Variants in CDH13 observed in about 807,000 individuals in gnomAD.
CDH13 encodes the protein cadherin-13.
Under a neutral mutation model 63.8 loss-of-function variants are expected in CDH13, and 24 were observed. The observed-to-expected ratio is 0.38, with a 90% CI of 0.27 to 0.53. The LOEUF (loss-of-function observed/expected upper bound fraction) is 0.53, where lower values mean the gene tolerates loss of function less well. Ranked by LOEUF, CDH13 falls within the 20% of genes least tolerant of loss-of-function variation. The pLI is 0.85. For synonymous variants in CDH13, 503 were observed against 355.3 expected, an observed-to-expected ratio of 1.42 and a Z score of -4.67; for missense variants, 1,049 against 903.1, an observed-to-expected ratio of 1.16 and a Z score of -2.07.
intron 5 of CDH13, among the ~76,000 whole-genome samples, chr16:83,303,206 G>A (rs1463649645): frequency 6.6e-6 from 1 of 152,188 alleles, no homozygotes; most frequent in Admixed American, 6.5e-5. Context: ...CCTTCCGAAG[G>A]TTCACCTTCT....
At chr16:83,489,120 C>T (rs955827825) in intron 7 of CDH13, among the ~76,000 whole-genome samples, 13 of 152,108 alleles carry the variant, frequency 8.5e-5, no homozygotes, top group African/African-American at 1.9e-4. Context: ...GTGATTTCTC[C>T]GTTTCAGCTT....
At chr16:83,569,793 G>A (rs1904404813) in intron 7 of CDH13, among the ~76,000 whole-genome samples, 2 of 152,174 alleles carry the variant, frequency 1.3e-5, no homozygotes, top group South Asian at 2.1e-4. Flanking sequence ...CTGGAGTGCA[G>A]TGGTACAATC....
At chr16:83,557,058 A>G (rs2075618714) in intron 7 of CDH13, among the ~76,000 whole-genome samples, 1 of 151,988 alleles carries the variant, frequency 6.6e-6, no homozygotes, top group Non-Finnish European at 1.5e-5. Context: ...GTTTACAGGC[A>G]CTCCCCATTG....
At chr16:83,486,266 T>A (rs2073886459) in intron 6 of CDH13, among the ~76,000 whole-genome samples, 1 of 152,190 alleles carries the variant, frequency 6.6e-6, no homozygotes, top group East Asian at 1.9e-4. Context: ...AGATGTTTTC[T>A]TCTTTATTTC....
At chr16:83,364,306 TC>T (rs2091218414) in intron 6 of CDH13, among the ~76,000 whole-genome samples, 1 of 152,176 alleles carries the variant, frequency 6.6e-6, no homozygotes. Flanking sequence ...AGGTAGTCTC[TC>T]CCTCACTTTC....
intron 1 of CDH13, among the ~76,000 whole-genome samples, chr16:82,659,195 A>G (rs993413507): frequency 2.6e-5 from 4 of 152,258 alleles, no homozygotes; most frequent in African/African-American, 9.6e-5. Context: ...TCCGGATGGC[A>G]GAACTTCTCT....
chr16:83,136,668 C>A (rs1274759222), intron 4 of CDH13, among the ~76,000 whole-genome samples: 2 of 152,076 alleles, frequency 1.3e-5, no homozygotes, highest in African/African-American at 2.4e-5. Context: ...TCAGTACAAT[C>A]TTGTTAGTGG....
intron 1 of CDH13, among the ~76,000 whole-genome samples, chr16:82,828,262 C>G (rs1048892744): frequency 2.6e-5 from 4 of 152,190 alleles, no homozygotes; most frequent in African/African-American, 9.6e-5. Flanking sequence ...GTCTGTTTCA[C>G]ACACAGTCAG....
intron 1 of CDH13, among the ~76,000 whole-genome samples, chr16:82,661,845 C>T (rs181848704): frequency 1.3e-5 from 2 of 152,220 alleles, no homozygotes; most frequent in Non-Finnish European, 2.9e-5. Context: ...TTAGGAACAA[C>T]TAAGGTATGT....
chr16:83,602,663 A>G (rs1472225601), intron 8 of CDH13, 69 bp downstream of exon 8: 1 of 1,497,968 alleles, frequency 6.7e-7, no homozygotes, highest in Admixed American at 1.7e-5. Context: ...ATGTTAATTC[A>G]CGTACCACAG....
chr16:82,680,937 T>C (rs1914474772), intron 1 of CDH13, among the ~76,000 whole-genome samples: 1 of 152,006 alleles, frequency 6.6e-6, no homozygotes, highest in African/African-American at 2.4e-5. Context: ...ATGAGCCAAA[T>C]CTAGTGGAAA....
intron 1 of CDH13, among the ~76,000 whole-genome samples, chr16:82,653,157 G>A (rs529646103): frequency 2.0e-5 from 3 of 152,228 alleles, no homozygotes; most frequent in African/African-American, 7.2e-5. Context: ...TTATTGAACG[G>A]TTTTTCCAAG....
chr16:83,036,203 G>T (rs1916838913), intron 3 of CDH13, among the ~76,000 whole-genome samples: 1 of 144,940 alleles, frequency 6.9e-6, no homozygotes, highest in Admixed American at 7.1e-5. Flanking sequence ...AGGCTGGAGT[G>T]CAATGGTACA....
chr16:82,737,061 A>C (rs2033710636), intron 1 of CDH13, among the ~76,000 whole-genome samples: 1 of 152,194 alleles, frequency 6.6e-6, no homozygotes, highest in African/African-American at 2.4e-5. Flanking sequence ...CATCAGTGTT[A>C]GTTTCAAGTT....
At chr16:83,158,856 C>G (rs989533711) in intron 4 of CDH13, among the ~76,000 whole-genome samples, 1 of 152,206 alleles carries the variant, frequency 6.6e-6, no homozygotes, top group African/African-American at 2.4e-5. Flanking sequence ...CTGGAGCCAT[C>G]AAATGCTGGG....
chr16:83,610,669 G>T (rs1317968828), intron 8 of CDH13, among the ~76,000 whole-genome samples: 1 of 152,156 alleles, frequency 6.6e-6, no homozygotes, highest in Non-Finnish European at 1.5e-5. Flanking sequence ...ATCTATTCAT[G>T]TTCGTTACCA....
At position 83,217,490 on chromosome 16, in the gene CDH13, T is replaced by A; in HGVS notation, c.629T>A (p.Val210Asp). Residue 210 changes from valine (V) to aspartate (D), a missense_variant, in exon 5 of 14, where the codon GTT becomes GAT. Coordinates refer to ENST00000567109, the MANE Select transcript of CDH13 (RefSeq NM_001257.5). ...TRTLDREVIA[V>D]YQLFVETTDV... ...ACCTTGGACAGAGAAGTAATCGCTG[T>A]TTATCAAGTGAGTACCCCTCTCCCA... is the stretch of plus-strand genomic sequence containing the variant. The A allele has an allele frequency of 6.2e-7, 1 of 1,613,502 alleles. No individual in the cohort carries two copies. Among genetic ancestry groups the A allele is most frequent in the South Asian group, 1.1e-5 (1 of 91,034 alleles).
chr16:83,711,291 C>A (rs1302078165), intron 10 of CDH13, among the ~76,000 whole-genome samples: 2 of 152,166 alleles, frequency 1.3e-5, no homozygotes, highest in African/African-American at 4.8e-5. Context: ...GTGCTCATTG[C>A]ATTCTGTGAG....
intron 6 of CDH13, among the ~76,000 whole-genome samples, chr16:83,358,362 C>A (rs1056738562): frequency 4.6e-5 from 7 of 152,134 alleles, no homozygotes; most frequent in Non-Finnish European, 8.8e-5. Flanking sequence ...AAGCAGCCAC[C>A]TTGCTCTGTG....
Sources: gnomAD v4.1 joint callset for allele counts (sites outside exome capture counted in the v4.1 genomes callset) on GRCh38, gnomAD v4.1.1 for gene constraint, MANE v1.5 for transcripts, NCBI Gene and HGNC (gene_info 2026-07-23, HGNC 2026-07-21) for gene names.